The following GPHN variants were observed in gnomAD, a reference collection of about 807,000 sequenced individuals.
The protein encoded by GPHN is gephyrin.
In GPHN, 17 loss-of-function variants were observed where a neutral mutation model predicts 95.5. The ratio of observed to expected loss-of-function variants is 0.18; its 90% CI spans 0.12 to 0.27. The LOEUF is 0.27. GPHN is among the 10% of genes least tolerant of loss of function. GPHN has a pLI of 1.00. For missense variants in GPHN, 660 were observed against 978.1 expected (o/e 0.67, Z 4.34); for synonymous variants, 320 against 322.5 (o/e 0.99, Z 0.08).
chr14:67,024,871 G>GT (rs909406349), intron 10 of GPHN, among the ~76,000 whole-genome samples: 3 of 151,952 alleles, frequency 2.0e-5, no homozygotes, highest in African/African-American at 7.3e-5. Flanking sequence ...AATTCATGGG[G>GT]TTTTTTTGTG....
At chr14:67,515,403 G>T in the GPHN span, 1 of 179,752 alleles carries the variant, frequency 5.6e-6, no homozygotes, top group South Asian at 1.5e-4. Context: ...GAGGAAAGGA[G>T]CCCCCGGCGG....
chr14:67,208,124 A>G, the GPHN span: 13 of 1,567,128 alleles, frequency 8.3e-6, no homozygotes, highest in South Asian at 1.4e-4. Context: ...TGGTGCCTGT[A>G]TTCGATACTG....
intron 1 of GPHN, among the ~76,000 whole-genome samples, chr14:66,554,188 G>T (rs2059925803): frequency 6.6e-6 from 1 of 152,108 alleles, no homozygotes; most frequent in Non-Finnish European, 1.5e-5. Flanking sequence ...TTTGTGCCAG[G>T]ATGCATATGT....
intron 2 of GPHN, among the ~76,000 whole-genome samples, chr14:66,725,885 A>C (rs992472907): frequency 6.6e-6 from 1 of 152,196 alleles, no homozygotes; most frequent in Non-Finnish European, 1.5e-5. Context: ...AAAATCAGTA[A>C]AAAACTGATA....
At chr14:67,072,580 T>A (rs1305408112) in intron 11 of GPHN, among the ~76,000 whole-genome samples, 1 of 152,100 alleles carries the variant, frequency 6.6e-6, no homozygotes, top group Non-Finnish European at 1.5e-5. Flanking sequence ...GACAAAAGCA[T>A]AAGAAGAAAA....
downstream of GPHN, among the ~76,000 whole-genome samples, chr14:67,184,453 T>C (rs778865358): frequency 3.7e-4 from 56 of 152,030 alleles, no homozygotes; most frequent in Admixed American, 4.6e-4. Context: ...GTAGAGGTGA[T>C]GGTGATGGTG....
At chr14:67,445,423 T>C in the GPHN span, among the ~76,000 whole-genome samples, 1 of 151,800 alleles carries the variant, frequency 6.6e-6, no homozygotes, top group African/African-American at 2.4e-5. Context: ...CCAGTTCGTG[T>C]TGGAGAATTG....
At chr14:67,647,181 T>C in the GPHN span, 82 of 545,064 alleles carry the variant, frequency 1.5e-4, no homozygotes, top group Admixed American at 2.6e-3. Flanking sequence ...ACACAGGTCA[T>C]ATTCTTCCTC....
chr14:67,277,393 T>A, the GPHN span, among the ~76,000 whole-genome samples: 2 of 152,176 alleles, frequency 1.3e-5, no homozygotes, highest in African/African-American at 4.8e-5. Flanking sequence ...ATAGCCTAGT[T>A]GGGTTTGTAT....
rs147940055 is a variant in GPHN, at chr14:66,904,542, A to G, written c.390-11461A>G. ...TACAGAGTACTGACTGGTGCATTTT[A>G]CAATCCTCTTGTAAGACATAAAAGT... On this transcript the variant is annotated intron_variant, in intron 5 of 22. Coordinates refer to ENST00000478722, the MANE Select transcript of GPHN (RefSeq NM_020806.5). Among the ~76,000 whole-genome samples the G allele has an allele frequency of 4.8e-3, 725 of 152,256 alleles. 7 individuals carry two copies. Among genetic ancestry groups the G allele is most frequent in the Middle Eastern group, 0.031 (9 of 294 alleles).
chr14:67,036,501 G>A (rs367644084), intron 10 of GPHN, among the ~76,000 whole-genome samples: 26 of 118,170 alleles, frequency 2.2e-4, no homozygotes, highest in African/African-American at 4.2e-4. Flanking sequence ...ATACATACAT[G>A]CACACACACA....
intron 1 of GPHN, among the ~76,000 whole-genome samples, chr14:66,539,392 C>T (rs1042358390): frequency 4.7e-5 from 7 of 149,410 alleles, no homozygotes; most frequent in African/African-American, 1.7e-4. Flanking sequence ...TGAAAAAGCT[C>T]AGCTGCTTTC....
At chr14:67,072,910 C>T (rs17103879) in intron 11 of GPHN, among the ~76,000 whole-genome samples, 10,095 of 151,992 alleles carry the variant, frequency 0.066, 356 homozygotes, top group Middle Eastern at 0.085. Flanking sequence ...TACTTTCATT[C>T]TAGCAATATG....
chr14:67,235,943 G>A, the GPHN span, among the ~76,000 whole-genome samples: 23,428 of 151,778 alleles, frequency 0.15, 3,407 homozygotes, highest in East Asian at 0.42. Flanking sequence ...TTTTATGTGT[G>A]TCTTTTTAAA....
At chr14:67,254,182 CTTTTTTTT>C in the GPHN span, 1 of 118,562 alleles carries the variant, frequency 8.4e-6, no homozygotes, top group Non-Finnish European at 1.8e-5. Context: ...AAGTGTCTTT[CTTTTTTTT>C]TTTTTTTTTT....
intron 1 of GPHN, among the ~76,000 whole-genome samples, chr14:66,668,788 TAAAAAA>T (rs540937888): frequency 2.0e-5 from 3 of 151,530 alleles, no homozygotes; most frequent in Non-Finnish European, 4.4e-5. Flanking sequence ...CCCGTGAACT[TAAAAAA>T]GAAAAAGTGC....
chr14:67,159,127 G>C (rs996162015), intron 18 of GPHN, among the ~76,000 whole-genome samples: 1 of 152,078 alleles, frequency 6.6e-6, no homozygotes, highest in Non-Finnish European at 1.5e-5. Flanking sequence ...TCTCCTACTA[G>C]AATGTACTTT....
intron 5 of GPHN, among the ~76,000 whole-genome samples, chr14:66,898,465 T>TAA (rs2064971461): frequency 1.2e-5 from 1 of 81,958 alleles, no homozygotes; most frequent in African/African-American, 6.4e-5. Context: ...TGCTACTTGT[T>TAA]TAAAAAAAAA....
chr14:67,175,254 A>T (rs1039437048), intron 21 of GPHN, among the ~76,000 whole-genome samples: 3 of 152,160 alleles, frequency 2.0e-5, no homozygotes, highest in African/African-American at 7.2e-5. Context: ...TAATTTTTGT[A>T]TAAGGTGTAA....
Sources: gnomAD v4.1 joint callset for allele counts (sites outside exome capture counted in the v4.1 genomes callset) on GRCh38, gnomAD v4.1.1 for gene constraint, MANE v1.5 for transcripts, NCBI Gene and HGNC (gene_info 2026-07-23, HGNC 2026-07-21) for gene names.